The following DHRSX variants were observed in gnomAD, a reference collection of about 807,000 sequenced individuals.
The protein encoded by DHRSX is dehydrogenase/reductase X-linked, also known as polyprenol dehydrogenase.
DHRSX carries 31 observed loss-of-function variants against 34.0 expected under a neutral mutation model. The ratio of observed to expected loss-of-function variants is 0.91; its 90% confidence interval spans 0.69 to 1.23. The LOEUF (loss-of-function observed/expected upper bound fraction) is 1.23, where lower values mean the gene tolerates loss of function less well. Among genes scored for constraint, DHRSX ranks in the 50% most tolerant of loss-of-function variants. The pLI is 0.00. For synonymous variants in DHRSX, 201 were observed against 183.8 expected (o/e 1.09, Z -0.76); for missense variants, 414 against 428.1 (o/e 0.97, Z 0.29).
intron 3 of DHRSX, among the ~76,000 whole-genome samples, chrX:2,400,791 C>T (rs1186121390): frequency 2.0e-5 from 3 of 152,148 alleles, no homozygotes; most frequent in South Asian, 2.1e-4. Flanking sequence ...TACTCAATTA[C>T]GTTGATGACC....
rs187507108 is a variant in DHRSX at position 2,430,614 on chromosome X, C to A, written c.110-5310G>T. Among the ~76,000 whole-genome samples, 72 of 152,278 alleles carry A rather than the reference C, an allele frequency of 4.7e-4. 1 individual carries two copies. Among genetic ancestry groups the A allele is most frequent in the African/African-American group, 1.7e-3 (71 of 41,566 alleles). ...TGTGAGGCACCTACACCATCACCTGCAAGCCTTCCTCCACTCTTCTGCCAG... is the reference window on the plus strand; with the variant it reads ...TGTGAGGCACCTACACCATCACCTGAAAGCCTTCCTCCACTCTTCTGCCAG... On this transcript the variant is annotated intron_variant, in intron 1 of 6. Transcript: ENST00000334651.
At chrX:2,499,605 T>C (rs2045362570) in intron 1 of DHRSX, among the ~76,000 whole-genome samples, 1 of 151,560 alleles carries the variant, frequency 6.6e-6, no homozygotes, top group African/African-American at 2.4e-5. Flanking sequence ...ATGCCATCTC[T>C]ACAAAAAATT....
At chrX:2,245,613 C>G (rs1171639598) in intron 5 of DHRSX, among the ~76,000 whole-genome samples, 1 of 150,450 alleles carries the variant, frequency 6.6e-6, no homozygotes, top group Non-Finnish European at 1.5e-5. Flanking sequence ...CCCACCCCAA[C>G]GTAGCTCTTA....
chrX:2,354,180 T>C (rs2042821035), intron 3 of DHRSX, among the ~76,000 whole-genome samples: 1 of 152,138 alleles, frequency 6.6e-6, no homozygotes, highest in Non-Finnish European at 1.5e-5. Context: ...CTCTAGTGGT[T>C]CCAGCCACTG....
At chrX:2,468,411 G>A (rs1382892760) in intron 1 of DHRSX, among the ~76,000 whole-genome samples, 1 of 150,704 alleles carries the variant, frequency 6.6e-6, no homozygotes, top group Non-Finnish European at 1.5e-5. Context: ...CGCTGACAGA[G>A]GAAACGGATA....
chrX:2,275,185 A>C (rs1452576813), intron 4 of DHRSX, among the ~76,000 whole-genome samples: 4 of 151,774 alleles, frequency 2.6e-5, no homozygotes, highest in Non-Finnish European at 5.9e-5. Flanking sequence ...TTTTCTTTTA[A>C]ATCAAAGGAA....
chrX:2,491,930 G>A (rs925481256), intron 1 of DHRSX, among the ~76,000 whole-genome samples: 3 of 152,184 alleles, frequency 2.0e-5, no homozygotes, highest in Non-Finnish European at 2.9e-5. Context: ...CCACTCAGGA[G>A]GCCACCTCTG....
intron 3 of DHRSX, chrX:2,334,960 G>A (rs1472904609): frequency 1.3e-5 from 2 of 151,854 alleles, no homozygotes; most frequent in Non-Finnish European, 1.5e-5. Flanking sequence ...CGGGCGGATT[G>A]TCTGAGGTCA....
chrX:2,408,067 G>A (rs889641246), intron 3 of DHRSX, among the ~76,000 whole-genome samples: 2 of 152,010 alleles, frequency 1.3e-5, no homozygotes, highest in African/African-American at 4.8e-5. Flanking sequence ...GCACCTGGTC[G>A]AAAATCTTAA....
chrX:2,369,591 G>A (rs1040344032), intron 3 of DHRSX, among the ~76,000 whole-genome samples: 1 of 152,044 alleles, frequency 6.6e-6, no homozygotes, highest in Non-Finnish European at 1.5e-5. Flanking sequence ...CCATCTCCCA[G>A]GTTCAAACGA....
At chrX:2,499,068 C>T (rs1030090764) in intron 1 of DHRSX, among the ~76,000 whole-genome samples, 81 of 152,140 alleles carry the variant, frequency 5.3e-4, no homozygotes, top group Non-Finnish European at 1.0e-4. Flanking sequence ...GAGAGAGGCT[C>T]ATTTTAAAAC....
intron 1 of DHRSX, among the ~76,000 whole-genome samples, chrX:2,493,214 G>C (rs1356764323): frequency 6.6e-6 from 1 of 152,182 alleles, no homozygotes; most frequent in Non-Finnish European, 1.5e-5. Context: ...AGCCGAGTTA[G>C]GGTGGGGCCC....
intron 6 of DHRSX, 21 bp from the exon 7 acceptor site, chrX:2,221,250 G>T (rs1351471085): frequency 6.2e-7 from 1 of 1,605,604 alleles, no homozygotes; most frequent in South Asian, 1.1e-5. Context: ...AAGAAAAGAA[G>T]GCTACGATGA....
At chrX:2,454,251 G>A (rs1461389465) in intron 1 of DHRSX, among the ~76,000 whole-genome samples, 1 of 152,122 alleles carries the variant, frequency 6.6e-6, no homozygotes, top group Non-Finnish European at 1.5e-5. Flanking sequence ...ACTGGGCCGG[G>A]CGCTGTGACT....
chrX:2,276,943 CGA>C lies in DHRSX; in HGVS notation c.389-9998_389-9997del, dbSNP rs754554362. 6.2e-3 allele frequency among the ~76,000 whole-genome samples: 47 copies of C among 7,572 alleles called. 1 individual carries two copies. Among genetic ancestry groups the C allele is most frequent in the East Asian group, 0.017 (14 of 842 alleles). 5.0% of individuals were successfully genotyped at this position (7,572 alleles called of 152,430 possible). A position where few individuals can be genotyped will look rare whatever the true frequency, so the allele number is the denominator to read the frequency against. ...AACAGGGAGAGAGAGGGAGGGCAAA[CGA>C]GAGAGGGAGAGAGAAGGAAGAGGAG... On this transcript the variant is annotated intron_variant, in intron 4 of 6. Transcript: ENST00000334651.
intron 3 of DHRSX, among the ~76,000 whole-genome samples, chrX:2,401,818 A>G (rs2043489246): frequency 6.6e-6 from 1 of 152,246 alleles, no homozygotes; most frequent in African/African-American, 2.4e-5. Context: ...ACAATGGCTA[A>G]GTGATGATAA....
intron 3 of DHRSX, chrX:2,336,410 G>C (rs972267938): frequency 6.6e-6 from 1 of 152,142 alleles, no homozygotes; most frequent in Non-Finnish European, 1.5e-5. Context: ...GACATCTGCA[G>C]TAACATTTAT....
chrX:2,408,844 G>A (rs777176763), intron 2 of DHRSX, 31 bp from the exon 3 acceptor site: 3 of 1,554,798 alleles, frequency 1.9e-6, no homozygotes, highest in Non-Finnish European at 2.6e-6. Context: ...AAGATACGGT[G>A]ACTTGTAGGA....
At position 2,381,319 on chromosome X, in the gene DHRSX, C is replaced by T. The variant is rs141217961; in HGVS notation, c.286+27426G>A. Among the ~76,000 whole-genome samples, 1,280 of 152,246 alleles carry T rather than the reference C, an allele frequency of 8.4e-3. 30 individuals carry two copies. The East Asian group carries it at 0.092, about 11-fold the overall frequency. On this transcript the variant is annotated intron_variant, in intron 3 of 6. Coordinates refer to ENST00000334651, the MANE Select transcript of DHRSX (RefSeq NM_145177.3). Reference sequence around the variant, plus strand: ...GAGAGCTCCCTCGACCCTTCTGCCACGTGATGACAAGAGTGAGAAGGCACC... The same window carrying T: ...GAGAGCTCCCTCGACCCTTCTGCCATGTGATGACAAGAGTGAGAAGGCACC...
Sources: allele counts gnomAD v4.1 joint callset (sites outside exome capture counted in the v4.1 genomes callset), GRCh38; gene constraint gnomAD v4.1.1; transcripts MANE v1.5; gene names NCBI Gene and HGNC (gene_info 2026-07-23, HGNC 2026-07-21).